Variants in RAD51B observed in about 807,000 individuals in gnomAD.
The protein encoded by RAD51B is DNA repair protein RAD51 homolog 2.
RAD51B carries 38 observed loss-of-function variants against 42.2 expected under a neutral mutation model. That is an observed-to-expected ratio of 0.90 (90% CI 0.70 to 1.18). RAD51B has a LOEUF of 1.18. RAD51B is among the 50% of genes most tolerant of loss of function. The pLI is 0.00. For missense variants in RAD51B, 373 were observed against 400.7 expected (o/e 0.93, Z 0.59); for synonymous variants, 154 against 145.2 (o/e 1.06, Z -0.43).
At chr14:68,410,942 G>A (rs1008900728) in intron 8 of RAD51B, among the ~76,000 whole-genome samples, 30 of 88,648 alleles carry the variant, frequency 3.4e-4, no homozygotes, top group African/African-American at 1.1e-3. Flanking sequence ...TTGTGTATAC[G>A]GGGGGGTGGG....
chr14:68,562,412 C>G, intron 10 of RAD51B: 10 of 983,384 alleles, frequency 1.0e-5, no homozygotes, highest in Non-Finnish European at 1.2e-5. Context: ...ATGCAGAGGC[C>G]CATACAGCCC....
At chr14:67,852,788 TAA>T (rs35685545) in intron 4 of RAD51B, among the ~76,000 whole-genome samples, 1 of 150,206 alleles carries the variant, frequency 6.7e-6, no homozygotes, top group Non-Finnish European at 1.5e-5. Context: ...TGTGTATAAT[TAA>T]AAAAAAAACT....
intron 7 of RAD51B, among the ~76,000 whole-genome samples, chr14:68,089,143 C>T (rs1595380380): frequency 6.6e-6 from 1 of 152,218 alleles, no homozygotes; most frequent in African/African-American, 2.4e-5. Flanking sequence ...AACTTTGAAG[C>T]ACCCAATTCT....
Position 68,059,447 on chromosome 14 carries a change from C to G in RAD51B, c.756+172243C>G, listed in dbSNP as rs1312682316. On this transcript the variant is annotated intron_variant, in intron 7 of 10. Transcript: ENST00000471583. The stretch of plus-strand genomic sequence containing the variant: ...TATTACCCACTACTCTCTCTCATGT[C>G]TTCCTTGCATGCACACATAGCTGCA... Among the ~76,000 whole-genome samples the G allele has an allele frequency of 2.0e-5, 3 of 152,296 alleles. 1 individual carries two copies. In the South Asian group the frequency reaches 6.2e-4, roughly 32 times the overall value.
At chr14:68,311,945 A>G (rs115300071) in intron 8 of RAD51B, among the ~76,000 whole-genome samples, 2,356 of 152,282 alleles carry the variant, frequency 0.015, 50 homozygotes, top group African/African-American at 0.051. Context: ...CCCCAAACAT[A>G]TTCTAATTCA....
chr14:68,614,976 G>A (rs993440114), downstream of RAD51B, among the ~76,000 whole-genome samples: 13 of 152,130 alleles, frequency 8.5e-5, no homozygotes, highest in African/African-American at 1.9e-4. Flanking sequence ...GGGTTCAAGC[G>A]ATTCTCCTGC....
rs180824653 is a variant in RAD51B at position 67,883,166 on chromosome 14, A to G, written c.453-2703A>G. Among the ~76,000 whole-genome samples, 451 of 152,158 alleles carry G rather than the reference A, an allele frequency of 3.0e-3. 1 individual carries two copies. The highest frequency in any genetic ancestry group is 6.4e-3 in the Admixed American group (98 of 15,292). ...TCTTAACTGGTCACTACCAGCTCTT[A>G]TCTGTGCTAGCTGATCTCCTTGCTT... On this transcript the variant is annotated intron_variant, in intron 5 of 10. Coordinates refer to ENST00000471583, the MANE Select transcript of RAD51B (RefSeq NM_133510.4).
intron 4 of RAD51B, chr14:67,843,380 T>C (rs886191003): frequency 6.6e-6 from 1 of 151,796 alleles, no homozygotes; most frequent in East Asian, 1.9e-4. Context: ...GAATGAGTTA[T>C]TGAGGAGTCC....
chr14:67,959,073 A>G (rs2074606400), intron 7 of RAD51B, among the ~76,000 whole-genome samples: 1 of 152,180 alleles, frequency 6.6e-6, no homozygotes. Context: ...AACCCATTAT[A>G]AATGATACTA....
chr14:68,091,044 T>G (rs1390481894), intron 7 of RAD51B, among the ~76,000 whole-genome samples: 1 of 152,118 alleles, frequency 6.6e-6, no homozygotes. Flanking sequence ...TCATTTTTTA[T>G]GGCTGCATAG....
intron 10 of RAD51B, among the ~76,000 whole-genome samples, chr14:68,500,134 A>G (rs931346591): frequency 9.9e-5 from 15 of 152,168 alleles, no homozygotes; most frequent in Admixed American, 3.3e-4. Context: ...ATCGGAGCTC[A>G]TGGTTCACCT....
chr14:68,406,948 C>A (rs10130827), intron 8 of RAD51B, among the ~76,000 whole-genome samples: 1 of 152,054 alleles, frequency 6.6e-6, no homozygotes, highest in Non-Finnish European at 1.5e-5. Flanking sequence ...TCCACCCGCC[C>A]ATCTTGTCTC....
exon 11 of RAD51B, chr14:68,611,208 T>G (rs2140107792): frequency 2.8e-6 from 2 of 703,060 alleles, no homozygotes; most frequent in South Asian, 1.5e-5. Flanking sequence ...ACTGGGCAAC[T>G]GGAATCAGAA....
chr14:68,183,967 C>A (rs1341628203), intron 7 of RAD51B, among the ~76,000 whole-genome samples: 1 of 92,856 alleles, frequency 1.1e-5, no homozygotes, highest in East Asian at 3.9e-4. Context: ...TGGCGGGCAC[C>A]TGTAGTCCCA....
At chr14:68,659,790 C>T (rs777960928) in intron 11 of RAD51B, among the ~76,000 whole-genome samples, 3 of 152,264 alleles carry the variant, frequency 2.0e-5, no homozygotes, top group Non-Finnish European at 4.4e-5. Context: ...GGGAACACAC[C>T]TGCCCACCTT....
At chr14:67,935,699 C>T (rs370133583) in intron 7 of RAD51B, among the ~76,000 whole-genome samples, 5 of 152,228 alleles carry the variant, frequency 3.3e-5, no homozygotes, top group South Asian at 2.1e-4. Context: ...GATTCTGTTG[C>T]GTTGTCTTAG....
chr14:68,196,190 CA>C (rs538516792), intron 7 of RAD51B, among the ~76,000 whole-genome samples: 19,982 of 112,136 alleles, frequency 0.18, 1,733 homozygotes, highest in Non-Finnish European at 0.25. Context: ...GACTCCATCT[CA>C]AAAAAAAAAA....
intron 8 of RAD51B, among the ~76,000 whole-genome samples, chr14:68,372,970 G>A (rs1206851073): frequency 3.3e-5 from 5 of 152,222 alleles, no homozygotes; most frequent in Non-Finnish European, 7.3e-5. Flanking sequence ...AAGAAGCATA[G>A]TATGGATGTA....
chr14:67,975,176 C>T (rs1249628659), intron 7 of RAD51B, among the ~76,000 whole-genome samples: 3 of 152,134 alleles, frequency 2.0e-5, no homozygotes, highest in East Asian at 1.9e-4. Context: ...TTCAGACATC[C>T]GATAAATATT....
Sources: allele counts gnomAD v4.1 joint callset (sites outside exome capture counted in the v4.1 genomes callset), GRCh38; gene constraint gnomAD v4.1.1; transcripts MANE v1.5; gene names NCBI Gene and HGNC (gene_info 2026-07-23, HGNC 2026-07-21).